TEK: variants seen among roughly 807,000 people sequenced by gnomAD.
TEK encodes the protein angiopoietin-1 receptor.
A neutral mutation model predicts 131.8 loss-of-function variants in TEK; 43 were observed. The ratio of observed to expected loss-of-function variants is 0.33; its 90% CI spans 0.26 to 0.42. TEK has a LOEUF of 0.42. TEK is among the 10% of genes least tolerant of loss of function. The pLI is 1.00. For synonymous variants in TEK, 580 were observed against 491.6 expected (o/e 1.18, Z -2.38); for missense variants, 1,162 against 1,384.4 (o/e 0.84, Z 2.55).
intron 1 of TEK, among the ~76,000 whole-genome samples, chr9:27,112,225 C>G (rs1651147819): frequency 6.6e-6 from 1 of 152,098 alleles, no homozygotes; most frequent in Admixed American, 6.6e-5. Context: ...TAAATAACAA[C>G]TGGATTCAGA....
intron 1 of TEK, among the ~76,000 whole-genome samples, chr9:27,112,252 T>C (rs910994988): frequency 2.0e-5 from 3 of 152,152 alleles, no homozygotes; most frequent in Admixed American, 6.6e-5. Context: ...AGACATCTTG[T>C]CTGGGGTGGC....
At position 27,136,142 on chromosome 9, in the gene TEK, C is replaced by G. The variant is rs968447186; in HGVS notation, c.53-21689C>G. On this transcript the variant is annotated intron_variant, in intron 1 of 22. Transcript: ENST00000380036. ...TGTCACTCAGGTTGGAGTGCAGTGG[C>G]ACGATCTTGGCTCACTGCAACCTCC... Among the ~76,000 whole-genome samples, 7 of 145,228 alleles carry G rather than the reference C, an allele frequency of 4.8e-5. No homozygotes were observed. In the South Asian group the frequency reaches 8.6e-4, roughly 18 times the overall value.
Position 27,229,500 on chromosome 9 carries a change from TGTG to T in TEK, c.*270_*272del. The stretch of plus-strand genomic sequence containing the variant: ...ATGCAATAATATATTTTTTTAAAAA[TGTG>T]GACTTCATAGGAAGGCGTGAGTACA... On this transcript the variant is annotated 3_prime_UTR_variant, in exon 23 of 23. Coordinates refer to ENST00000380036, the MANE Select transcript of TEK (RefSeq NM_000459.5). 2.1e-6 allele frequency: 1 copy of T among 486,022 alleles called. No homozygotes were observed. The highest frequency in any genetic ancestry group is 3.7e-6 in the Non-Finnish European group (1 of 267,992). 30.1% of individuals were successfully genotyped at this position (486,022 alleles called of 1,614,324 possible).
chr9:27,156,033 C>T (rs2131116016), intron 1 of TEK, among the ~76,000 whole-genome samples: 1 of 152,220 alleles, frequency 6.6e-6, no homozygotes, highest in African/African-American at 2.4e-5. Flanking sequence ...AAACTCCTGA[C>T]CTCAGGTGAT....
At chr9:27,158,620 C>G (rs1823427855) in intron 2 of TEK, among the ~76,000 whole-genome samples, 1 of 149,432 alleles carries the variant, frequency 6.7e-6, no homozygotes, top group South Asian at 2.1e-4. Flanking sequence ...CCATCAGTAA[C>G]TTAATTTAAT....
chr9:27,195,724 T>C (rs958848675), intron 11 of TEK: 27 of 455,876 alleles, frequency 5.9e-5, no homozygotes, highest in African/African-American at 4.0e-4. Flanking sequence ...CCAGTGTTAA[T>C]AGAGCCCCTA....
At chr9:27,217,243 G>T (rs900136504) in intron 18 of TEK, among the ~76,000 whole-genome samples, 3 of 152,106 alleles carry the variant, frequency 2.0e-5, no homozygotes, top group Non-Finnish European at 4.4e-5. Context: ...ACCATGCTGG[G>T]ATATCCCGTC....
chr9:27,206,913 TTTG>T, intron 15 of TEK, 121 bp downstream of exon 15: 1 of 1,086,342 alleles, frequency 9.2e-7, no homozygotes. Context: ...ATAGCTGTTA[TTTG>T]CAACTGAAGG....
At chr9:27,171,882 T>A (rs976716841) in intron 4 of TEK, among the ~76,000 whole-genome samples, 16 of 152,156 alleles carry the variant, frequency 1.1e-4, no homozygotes, top group African/African-American at 3.9e-4. Context: ...AGGAAGCAAT[T>A]TGCCTTTATT....
chr9:27,188,667 A>G (rs1824689456), intron 9 of TEK, among the ~76,000 whole-genome samples: 1 of 152,156 alleles, frequency 6.6e-6, no homozygotes, highest in South Asian at 2.1e-4. Context: ...TGGCTTTATT[A>G]TCCTGACCTT....
intron 6 of TEK, among the ~76,000 whole-genome samples, chr9:27,178,319 A>G (rs1472297805): frequency 6.6e-6 from 1 of 151,914 alleles, no homozygotes; most frequent in Non-Finnish European, 1.5e-5. Context: ...GTTGGTCTAT[A>G]TGTGTGTTTT....
chr9:27,223,314 A>G (rs530959691), intron 21 of TEK, among the ~76,000 whole-genome samples: 111 of 152,342 alleles, frequency 7.3e-4, no homozygotes, highest in African/African-American at 2.6e-3. Context: ...CCAAATCAAC[A>G]GAATATACAT....
chr9:27,217,100 C>T (rs1825844175), intron 18 of TEK, among the ~76,000 whole-genome samples: 1 of 152,182 alleles, frequency 6.6e-6, no homozygotes. Context: ...ATCAGTATGT[C>T]TCCAAACCCA....
intron 1 of TEK, among the ~76,000 whole-genome samples, chr9:27,132,453 A>G (rs892703642): frequency 6.6e-6 from 1 of 152,180 alleles, no homozygotes; most frequent in African/African-American, 2.4e-5. Flanking sequence ...TAAAATATCT[A>G]AGACTATCAT....
At chr9:27,202,568 G>C (rs1825257134) in intron 12 of TEK, among the ~76,000 whole-genome samples, 1 of 152,206 alleles carries the variant, frequency 6.6e-6, no homozygotes, top group African/African-American at 2.4e-5. Context: ...CAGGTTTGTG[G>C]AATAACAGAA....
intron 16 of TEK, among the ~76,000 whole-genome samples, chr9:27,210,910 A>G (rs1031991027): frequency 6.6e-6 from 1 of 152,096 alleles, no homozygotes; most frequent in Non-Finnish European, 1.5e-5. Flanking sequence ...CAAGGTCAAG[A>G]TGTCGAGACC....
intron 20 of TEK, among the ~76,000 whole-genome samples, chr9:27,219,836 C>A: frequency 6.6e-6 from 1 of 152,106 alleles, no homozygotes; most frequent in Non-Finnish European, 1.5e-5. Context: ...TGTGGTGGTT[C>A]CTTCCCCTGA....
Position 27,213,520 on chromosome 9 carries a change from G to C in TEK, c.2914G>C (p.Val972Leu). The change falls in exon 18 of 23, where the codon GTT (valine) becomes CTT (leucine). Residue 972 changes from valine to leucine, a missense_variant. Val to Leu is a conservative substitution (Grantham distance 32, BLOSUM62 1). Around this residue, in one of 6 missense-constraint regions of TEK, gnomAD observed 107 missense variants for 173.9 expected, o/e 0.62. Coordinates refer to ENST00000380036, the MANE Select transcript of TEK (RefSeq NM_000459.5). The part of the protein sequence containing the change: ...HRDLAARNIL[V>L]GENYVAKIAD... ...GGATCTGGCTGCCAGAAACATTTTAGTTGGTGAAAACTATGTGGCAAAAAT... is the reference window on the plus strand; with the variant it reads ...GGATCTGGCTGCCAGAAACATTTTACTTGGTGAAAACTATGTGGCAAAAAT... The C allele has an allele frequency of 6.2e-7, 1 of 1,614,072 alleles. No individual in the cohort carries two copies. Among genetic ancestry groups the C allele is most frequent in the Non-Finnish European group, 8.5e-7 (1 of 1,179,938 alleles).
intron 1 of TEK, among the ~76,000 whole-genome samples, chr9:27,150,003 A>G (rs766821562): frequency 5.4e-4 from 82 of 152,282 alleles, no homozygotes; most frequent in Non-Finnish European, 8.5e-4. Context: ...AAGGTGGCCA[A>G]AACTCCTCTC....
Sources: gnomAD v4.1 joint callset for allele counts (sites outside exome capture counted in the v4.1 genomes callset) on GRCh38, gnomAD v4.1.1 for gene constraint, gnomAD v4.1.1 regional missense constraint, MANE v1.5 for transcripts, NCBI Gene and HGNC (gene_info 2026-07-23, HGNC 2026-07-21) for gene names.